DACH1: variants seen among roughly 807,000 people sequenced by gnomAD.
DACH1 encodes dachshund homolog 1.
A neutral mutation model predicts 54.2 loss-of-function variants in DACH1; 12 were observed. That is an observed-to-expected ratio of 0.22 (90% CI 0.14 to 0.36). The LOEUF is 0.36. Ranked by LOEUF, DACH1 falls within the 10% of genes least tolerant of loss-of-function variation. The pLI is 1.00. For synonymous variants in DACH1, 386 were observed against 366.2 expected (o/e 1.05, Z -0.62); for missense variants, 805 against 929.8 (o/e 0.87, Z 1.75).
intron 1 of DACH1, among the ~76,000 whole-genome samples, chr13:71,791,400 G>T (rs1886825939): frequency 6.6e-6 from 1 of 152,014 alleles, no homozygotes; most frequent in African/African-American, 2.4e-5. Flanking sequence ...TTGAGATGAA[G>T]TCTCACTCTG....
At chr13:71,580,225 A>T (rs1454494942) in intron 3 of DACH1, among the ~76,000 whole-genome samples, 1 of 152,218 alleles carries the variant, frequency 6.6e-6, no homozygotes, top group Admixed American at 6.5e-5. Context: ...GGTATAAAGT[A>T]TCTATGCTAA....
chr13:71,780,121 A>G (rs1471633801), intron 1 of DACH1, among the ~76,000 whole-genome samples: 5 of 152,192 alleles, frequency 3.3e-5, no homozygotes, highest in African/African-American at 1.2e-4. Context: ...GTAAAGATCA[A>G]TAGAGATTTA....
intron 3 of DACH1, among the ~76,000 whole-genome samples, chr13:71,598,749 T>C (rs988158080): frequency 2.6e-5 from 4 of 152,190 alleles, no homozygotes; most frequent in African/African-American, 9.7e-5. Flanking sequence ...AATTGAACTA[T>C]CATTTATCAC....
chr13:71,544,574 G>A (rs1883340748), intron 6 of DACH1, among the ~76,000 whole-genome samples: 1 of 152,106 alleles, frequency 6.6e-6, no homozygotes. Context: ...ATGAGATTAT[G>A]ACTGCAAAAC....
intron 6 of DACH1, among the ~76,000 whole-genome samples, chr13:71,544,002 C>T (rs1031598677): frequency 3.9e-5 from 6 of 152,038 alleles, no homozygotes; most frequent in Non-Finnish European, 7.4e-5. Flanking sequence ...ATTTTATCCT[C>T]AGCCATAGGT....
intron 1 of DACH1, among the ~76,000 whole-genome samples, chr13:71,739,438 G>T (rs2137942618): frequency 6.6e-6 from 1 of 152,084 alleles, no homozygotes; most frequent in Non-Finnish European, 1.5e-5. Context: ...AGAGATGAAA[G>T]TAATTTAACA....
rs577300322 is a variant in DACH1 at position 71,673,944 on chromosome 13, C to T, written c.964+7851G>A. On this transcript the variant is annotated intron_variant, in intron 2 of 10. Coordinates refer to ENST00000613252, the MANE Select transcript of DACH1 (RefSeq NM_080759.6). ...TAGTATACTTCCATTAGGCTCTACACGCTGCATCTTTAATCTGGAGCCTAA... is the reference window on the plus strand; with the variant it reads ...TAGTATACTTCCATTAGGCTCTACATGCTGCATCTTTAATCTGGAGCCTAA... Among the ~76,000 whole-genome samples the T allele has an allele frequency of 7.9e-5, 12 of 152,246 alleles. No individual in the cohort carries two copies. The South Asian group carries it at 1.9e-3, about 24-fold the overall frequency.
At chr13:71,550,158 T>C (rs1883715719) in intron 6 of DACH1, among the ~76,000 whole-genome samples, 1 of 152,276 alleles carries the variant, frequency 6.6e-6, no homozygotes, top group African/African-American at 2.4e-5. Flanking sequence ...ATTCAGAGGT[T>C]TAAAGCATGT....
At chr13:71,692,640 A>G (rs1488697546) in intron 1 of DACH1, among the ~76,000 whole-genome samples, 2 of 144,462 alleles carry the variant, frequency 1.4e-5, no homozygotes, top group Admixed American at 1.5e-4. Context: ...CTTCTGCCTC[A>G]GCCTCCGAAG....
At chr13:71,531,202 T>G (rs1882393236) in intron 6 of DACH1, among the ~76,000 whole-genome samples, 1 of 152,126 alleles carries the variant, frequency 6.6e-6, no homozygotes, top group Non-Finnish European at 1.5e-5. Flanking sequence ...AAGAGTTATT[T>G]AGTTTAACAA....
At chr13:71,560,939 T>A (rs1566342350) in intron 4 of DACH1, among the ~76,000 whole-genome samples, 1 of 152,180 alleles carries the variant, frequency 6.6e-6, no homozygotes, top group Non-Finnish European at 1.5e-5. Context: ...AATGTACTTA[T>A]AAATAATTAG....
intron 1 of DACH1, among the ~76,000 whole-genome samples, chr13:71,736,698 A>T: frequency 6.6e-6 from 1 of 152,190 alleles, no homozygotes; most frequent in East Asian, 1.9e-4. Context: ...GAAGTATAAA[A>T]ACAATAGACA....
chr13:71,572,682 C>T (rs1885286427), intron 4 of DACH1, among the ~76,000 whole-genome samples, 158 bp downstream of exon 4: 1 of 152,042 alleles, frequency 6.6e-6, no homozygotes, highest in South Asian at 2.1e-4. Context: ...AAGTAATGTG[C>T]CCCTGGGGCC....
chr13:71,530,610 T>A (rs1882351134), intron 6 of DACH1, among the ~76,000 whole-genome samples: 1 of 152,156 alleles, frequency 6.6e-6, no homozygotes, highest in African/African-American at 2.4e-5. Flanking sequence ...TGACTTGCCT[T>A]CTCAGTTTCA....
At chr13:71,497,117 G>T (rs955153047) in intron 6 of DACH1, among the ~76,000 whole-genome samples, 2 of 152,014 alleles carry the variant, frequency 1.3e-5, no homozygotes, top group Non-Finnish European at 2.9e-5. Context: ...TTAAAACGAT[G>T]ATTACCAATT....
At chr13:71,832,068 G>A (rs1888614310) in intron 1 of DACH1, among the ~76,000 whole-genome samples, 2 of 151,858 alleles carry the variant, frequency 1.3e-5, no homozygotes, top group African/African-American at 2.4e-5. Flanking sequence ...GAATTTCTCA[G>A]GCTAGGTATT....
At chr13:71,683,127 C>A (rs1180196047) in intron 1 of DACH1, among the ~76,000 whole-genome samples, 1 of 152,006 alleles carries the variant, frequency 6.6e-6, no homozygotes, top group East Asian at 1.9e-4. Context: ...TATTAAGTAC[C>A]TGCTGTTTTC....
At chr13:71,558,753 T>C (rs1290618935) in intron 5 of DACH1, among the ~76,000 whole-genome samples, 2 of 152,072 alleles carry the variant, frequency 1.3e-5, no homozygotes, top group Non-Finnish European at 2.9e-5. Context: ...TGTTGAACTA[T>C]ATAATTGCCA....
intron 1 of DACH1, among the ~76,000 whole-genome samples, chr13:71,738,743 A>G (rs1884252082): frequency 1.6e-5 from 2 of 124,246 alleles, no homozygotes; most frequent in South Asian, 4.9e-4. Flanking sequence ...AAAAAAAAAA[A>G]AAAAAAAAAA....
Sources: allele counts gnomAD v4.1 joint callset (sites outside exome capture counted in the v4.1 genomes callset), GRCh38; gene constraint gnomAD v4.1.1; transcripts MANE v1.5; gene names NCBI Gene and HGNC (gene_info 2026-07-23, HGNC 2026-07-21).